PCDHA4: variants seen among roughly 807,000 people sequenced by gnomAD.
PCDHA4 encodes protocadherin alpha 4.
PCDHA4 carries 49 observed loss-of-function variants against 61.4 expected under a neutral mutation model. The ratio of observed to expected loss-of-function variants is 0.80; its 90% CI spans 0.63 to 1.01. The LOEUF (loss-of-function observed/expected upper bound fraction) is 1.01, where lower values mean the gene tolerates loss of function less well. Among genes scored for constraint, PCDHA4 ranks in the 50% least tolerant of loss-of-function variants. PCDHA4 has a pLI of 0.00. For missense variants in PCDHA4, 1,254 were observed against 1,235.8 expected (o/e 1.01, Z -0.22); for synonymous variants, 590 against 550.3 (o/e 1.07, Z -1.01).
At chr5:140,821,254 A>T (rs2150109156) in intron 1 of PCDHA4, among the ~76,000 whole-genome samples, 3 of 152,214 alleles carry the variant, frequency 2.0e-5, no homozygotes, top group Non-Finnish European at 4.4e-5. Context: ...TTTAACTCTT[A>T]AAAGTTATTT....
intron 1 of PCDHA4, among the ~76,000 whole-genome samples, chr5:140,838,075 A>AGTGTGTGTGTGTG (rs781914509): frequency 7.8e-6 from 1 of 128,240 alleles, no homozygotes; most frequent in African/African-American, 3.1e-5. Context: ...TTATATATAT[A>AGTGTGTGTGTGTG]TAGTGTGTGT....
In PCDHA4 at chr5:140,852,902, A is replaced by ATG. The variant is rs1554146177; in HGVS notation, c.2385+43330_2385+43331insTG. The stretch of plus-strand genomic sequence containing the variant: ...TAAAACGTATTTTTTTTTTTGAGTC[A>ATG]GAGTCTCGCTCTGTTGCCCAGGCTG... On this transcript the variant is annotated intron_variant, in intron 1 of 3. Transcript: ENST00000530339. 5.3e-4 allele frequency: 438 copies of ATG among 830,724 alleles called. 11 individuals carry two copies. In the South Asian group the frequency reaches 0.021, roughly 39 times the overall value. 51.5% of individuals were successfully genotyped at this position (830,724 alleles called of 1,614,324 possible).
At chr5:140,884,204 C>T in intron 1 of PCDHA4, 1 of 1,613,500 alleles carries the variant, frequency 6.2e-7, no homozygotes, top group Non-Finnish European at 8.5e-7. Flanking sequence ...GCCGCACCAC[C>T]GCCTTCTGGT....
intron 1 of PCDHA4, chr5:140,865,984 C>CT (rs1421738889): frequency 1.3e-5 from 2 of 152,088 alleles, no homozygotes; most frequent in Non-Finnish European, 2.9e-5. Context: ...TGAGATGGCA[C>CT]TAAGTTTTTT....
intron 1 of PCDHA4, chr5:140,968,020 C>T: frequency 1.2e-6 from 2 of 1,614,202 alleles, no homozygotes; most frequent in Non-Finnish European, 1.7e-6. Flanking sequence ...TTGGAAACTC[C>T]TATACACTGG....
intron 3 of PCDHA4, among the ~76,000 whole-genome samples, chr5:140,989,495 A>G (rs1408191575): frequency 6.6e-6 from 1 of 152,136 alleles, no homozygotes; most frequent in African/African-American, 2.4e-5. Context: ...AACAAGAAAG[A>G]CCTGCTTATA....
At chr5:140,926,998 G>C in intron 1 of PCDHA4, 1 of 1,612,288 alleles carries the variant, frequency 6.2e-7, no homozygotes, top group Non-Finnish European at 8.5e-7. Flanking sequence ...GGGCGTAGCC[G>C]TAGGCAATCT....
At position 140,808,288 on chromosome 5, in the gene PCDHA4, A is replaced by C. The variant is rs558368173; in HGVS notation, c.1101A>C (p.Thr367=). The C allele has an allele frequency of 6.2e-7, 1 of 1,614,276 alleles. No homozygotes were observed. The highest frequency in any genetic ancestry group is 8.5e-7 in the Non-Finnish European group (1 of 1,180,054). The change falls in exon 1 of 4, where the codon ACA becomes ACC. Residue 367 remains threonine, a synonymous_variant. Transcript: ENST00000530339. ...TTAGAGAGGACGCTCCACTGGGTACAGTCATCGCCCTGATCAGCGTGTCCG... is the reference window on the plus strand; with the variant it reads ...TTAGAGAGGACGCTCCACTGGGTACCGTCATCGCCCTGATCAGCGTGTCCG... The part of the protein sequence containing the change: ...LPIREDAPLG[T]VIALISVSDK...
intron 3 of PCDHA4, 32 bp from the exon 4 acceptor site, chr5:141,009,595 C>A (rs781807814): frequency 6.2e-7 from 1 of 1,604,124 alleles, no homozygotes; most frequent in African/African-American, 1.3e-5. Context: ...TGTGTTGACC[C>A]TGTTAATGAT....
At position 140,838,077 on chromosome 5, in the gene PCDHA4, A is replaced by AGTGTGT. The variant is rs57130401; in HGVS notation, c.2385+28554_2385+28559dup. Among the ~76,000 whole-genome samples the AGTGTGT allele has an allele frequency of 1.0e-3, 82 of 80,686 alleles. 1 individual carries two copies. Among genetic ancestry groups the AGTGTGT allele is most frequent in the East Asian group, 2.6e-3 (8 of 3,058 alleles). The allele number at this position is 80,686 out of a possible 152,430, so 52.9% of individuals were successfully genotyped here. A position where few individuals can be genotyped will look rare whatever the true frequency, so the allele number is the denominator to read the frequency against. On this transcript the variant is annotated intron_variant, in intron 1 of 3. Coordinates refer to ENST00000530339, the MANE Select transcript of PCDHA4 (RefSeq NM_018907.4). ...TTTCCACTTTAAGTTATATATATATAGTGTGTGTGTGTGTGTGTGTGTGTG... is the reference window on the plus strand; with the variant it reads ...TTTCCACTTTAAGTTATATATATATAGTGTGTGTGTGTGTGTGTGTGTGTGTGTGTG...
At chr5:140,883,121 G>A in intron 1 of PCDHA4, 3 of 1,614,070 alleles carry the variant, frequency 1.9e-6, no homozygotes, top group Non-Finnish European at 2.5e-6. Context: ...TAGAAGGCCT[G>A]TATGGCCTGC....
At position 140,845,457 on chromosome 5, in the gene PCDHA4, T is replaced by C. The variant is rs1172652136; in HGVS notation, c.2385+35885T>C. 2.0e-5 allele frequency among the ~76,000 whole-genome samples: 3 copies of C among 149,680 alleles called. 1 individual carries two copies. The highest frequency in any genetic ancestry group is 4.5e-5 in the Non-Finnish European group (3 of 66,882). ...TTAGTTCTGTTTTTCTTCAACTCTC[T>C]GATATTTGAATTTGGGGTTGTGCTT... On this transcript the variant is annotated intron_variant, in intron 1 of 3. Coordinates refer to ENST00000530339, the MANE Select transcript of PCDHA4 (RefSeq NM_018907.4).
intron 1 of PCDHA4, chr5:140,930,019 T>G (rs1454076883): frequency 6.6e-6 from 1 of 152,222 alleles, no homozygotes; most frequent in Non-Finnish European, 1.5e-5. Context: ...GATAGCTCCA[T>G]AGCAGTGTTT....
intron 1 of PCDHA4, chr5:140,863,348 C>G (rs548906600): frequency 3.0e-5 from 39 of 1,313,260 alleles, no homozygotes; most frequent in Non-Finnish European, 4.0e-5. Flanking sequence ...CTGCTGTACA[C>G]GACGCTGCGG....
intron 1 of PCDHA4, chr5:140,857,253 A>G (rs1554149722): frequency 1.3e-6 from 2 of 1,598,432 alleles, no homozygotes; most frequent in Admixed American, 3.4e-5. Context: ...ACCTACAAGA[A>G]TTACTACTCA....
chr5:140,869,697 G>T (rs552852780), intron 1 of PCDHA4: 1 of 1,613,410 alleles, frequency 6.2e-7, no homozygotes, highest in Admixed American at 1.7e-5. Flanking sequence ...TTTTAAAGAA[G>T]TCTCTGGATA....
At position 140,850,728 on chromosome 5, in the gene PCDHA4, G is replaced by A. The variant is rs2150496245; in HGVS notation, c.2385+41156G>A. The A allele has an allele frequency of 8.1e-6, 13 of 1,598,072 alleles. 2 individuals are homozygous for A. Among genetic ancestry groups the A allele is most frequent in the Non-Finnish European group, 1.1e-5 (13 of 1,167,642 alleles). The stretch of plus-strand genomic sequence containing the variant: ...GCCGACGCTGGTGTGTTCTAGCGCG[G>A]TGGGGAGTTGGTCGTACTCGCAGCA... On this transcript the variant is annotated intron_variant, in intron 1 of 3. Coordinates refer to ENST00000530339, the MANE Select transcript of PCDHA4 (RefSeq NM_018907.4).
intron 1 of PCDHA4, chr5:140,969,349 G>A (rs782345683): frequency 3.1e-5 from 50 of 1,612,958 alleles, no homozygotes; most frequent in Non-Finnish European, 4.2e-5. Context: ...AGTGGTCAGG[G>A]GGTCTTCTAC....
In PCDHA4 at chr5:140,809,551, A is replaced by G. The variant is rs782165003; in HGVS notation, c.2364A>G (p.Thr788=). ...DSRDREDQLQ[T]TEESFAKPRQ... ...GGGACAGAGAAGATCAGCTGCAGAC[A>G]ACTGAGGAATCCTTTGCAAAGGTTA... The change falls in exon 1 of 4, where the codon ACA becomes ACG. Residue 788 remains threonine (T), a synonymous_variant. Coordinates refer to ENST00000530339, the MANE Select transcript of PCDHA4 (RefSeq NM_018907.4). 1 of 1,612,150 alleles carries G rather than the reference A, an allele frequency of 6.2e-7. No homozygotes were observed. The highest frequency in any genetic ancestry group is 8.5e-7 in the Non-Finnish European group (1 of 1,179,018).
Sources: allele counts gnomAD v4.1 joint callset (sites outside exome capture counted in the v4.1 genomes callset), GRCh38; gene constraint gnomAD v4.1.1; transcripts MANE v1.5; gene names NCBI Gene and HGNC (gene_info 2026-07-23, HGNC 2026-07-21).